MAD1L1: variants seen among roughly 807,000 people sequenced by gnomAD.
MAD1L1 encodes mitotic arrest deficient 1 like 1, also known as mitotic spindle assembly checkpoint protein MAD1.
MAD1L1 carries 95 observed loss-of-function variants against 96.9 expected under a neutral mutation model. The ratio of observed to expected loss-of-function variants is 0.98; its 90% CI spans 0.83 to 1.16. MAD1L1 has a LOEUF of 1.16. MAD1L1 is among the 50% of genes most tolerant of loss of function. The probability of loss-of-function intolerance (pLI) is 0.00; values close to 1 mark genes in which losing one functional copy is unlikely to be tolerated. For missense variants in MAD1L1, 1,007 were observed against 954.4 expected (o/e 1.06, Z -0.73); for synonymous variants, 473 against 396.6 (o/e 1.19, Z -2.29).
intron 10 of MAD1L1, among the ~76,000 whole-genome samples, chr7:2,195,238 G>C (rs907500000): frequency 6.6e-6 from 1 of 152,158 alleles, no homozygotes; most frequent in Non-Finnish European, 1.5e-5. Flanking sequence ...GCTTGTAATA[G>C]CTACCAATGA....
At chr7:2,016,960 G>A (rs544708150) in intron 12 of MAD1L1, among the ~76,000 whole-genome samples, 63 of 152,362 alleles carry the variant, frequency 4.1e-4, no homozygotes, top group Non-Finnish European at 7.5e-4. Flanking sequence ...AGGCCGGGGC[G>A]GGGGACTTCC....
intron 17 of MAD1L1, among the ~76,000 whole-genome samples, chr7:1,903,911 C>A (rs28393635): frequency 0.28 from 21,274 of 75,288 alleles, 4,200 homozygotes; most frequent in South Asian, 0.44. Flanking sequence ...CATGATTGAT[C>A]AAGCACTGTT....
chr7:2,164,638 T>G (rs957423146), intron 10 of MAD1L1, among the ~76,000 whole-genome samples: 1 of 151,022 alleles, frequency 6.6e-6, no homozygotes, highest in Admixed American at 6.6e-5. Flanking sequence ...ATAAATTTTT[T>G]GACAGTTGCA....
At chr7:2,093,802 G>A (rs552606614) in intron 11 of MAD1L1, among the ~76,000 whole-genome samples, 11 of 152,300 alleles carry the variant, frequency 7.2e-5, no homozygotes, top group East Asian at 3.9e-4. Flanking sequence ...AGAGGAGCAC[G>A]GAACGCGGAA....
intron 9 of MAD1L1, among the ~76,000 whole-genome samples, chr7:2,215,623 G>A (rs1266966590): frequency 1.3e-5 from 2 of 152,052 alleles, no homozygotes; most frequent in Admixed American, 1.3e-4. Flanking sequence ...ATCACTCTGA[G>A]CCCCCAGGAT....
intron 4 of MAD1L1, 149 bp from the exon 5 acceptor site, chr7:2,222,903 G>A (rs981328049): frequency 1.3e-5 from 8 of 614,764 alleles, no homozygotes; most frequent in East Asian, 3.1e-5. Flanking sequence ...GAACCAGGAC[G>A]GGACCTGGGA....
intron 11 of MAD1L1, among the ~76,000 whole-genome samples, chr7:2,118,657 C>T (rs1238600245): frequency 6.6e-6 from 1 of 152,212 alleles, no homozygotes; most frequent in African/African-American, 2.4e-5. Context: ...AGGGCCGTCC[C>T]TCCCAGCCCC....
chr7:2,048,992 A>T (rs1473218423), intron 12 of MAD1L1, among the ~76,000 whole-genome samples: 1 of 152,250 alleles, frequency 6.6e-6, no homozygotes, highest in Non-Finnish European at 1.5e-5. Context: ...TTTTAGGAAC[A>T]CACATCACCT....
intron 17 of MAD1L1, among the ~76,000 whole-genome samples, chr7:1,927,742 A>G (rs1181113064): frequency 6.6e-5 from 10 of 152,218 alleles, no homozygotes; most frequent in Non-Finnish European, 1.2e-4. Flanking sequence ...AGTAGAAAAC[A>G]AGAAAAAATA....
At chr7:1,897,937 C>G (rs532616204) in intron 18 of MAD1L1, among the ~76,000 whole-genome samples, 14 of 152,366 alleles carry the variant, frequency 9.2e-5, no homozygotes, top group Middle Eastern at 3.4e-3. Context: ...TTGCGACAGA[C>G]AGAGGCTGAG....
At chr7:2,006,463 C>A (rs1412884071) in intron 13 of MAD1L1, among the ~76,000 whole-genome samples, 1 of 152,098 alleles carries the variant, frequency 6.6e-6, no homozygotes, top group Non-Finnish European at 1.5e-5. Flanking sequence ...ATTTGGCAAA[C>A]GTCCACTCCT....
chr7:1,888,260 A>G (rs1786274814), intron 18 of MAD1L1, among the ~76,000 whole-genome samples: 1 of 111,614 alleles, frequency 9.0e-6, no homozygotes, highest in Admixed American at 9.6e-5. Flanking sequence ...ATCTGTATGC[A>G]TGGGTGCAGC....
chr7:1,866,723 C>G (rs547778917), intron 18 of MAD1L1, among the ~76,000 whole-genome samples: 1 of 152,176 alleles, frequency 6.6e-6, no homozygotes, highest in Non-Finnish European at 1.5e-5. Context: ...CAGGGAACAT[C>G]GTGAAAACCA....
chr7:1,917,881 C>T (rs571889540), intron 17 of MAD1L1, among the ~76,000 whole-genome samples: 6 of 152,304 alleles, frequency 3.9e-5, no homozygotes, highest in African/African-American at 1.4e-4. Context: ...AAGACAAAGC[C>T]CCCAGAGCAG....
intron 10 of MAD1L1, among the ~76,000 whole-genome samples, chr7:2,152,985 G>A (rs1342645445): frequency 2.0e-5 from 3 of 152,160 alleles, no homozygotes; most frequent in African/African-American, 7.2e-5. Context: ...TATACCCTTT[G>A]TTCGGCAGTG....
At chr7:1,823,784 G>A (rs530928162) in intron 18 of MAD1L1, among the ~76,000 whole-genome samples, 8 of 152,166 alleles carry the variant, frequency 5.3e-5, no homozygotes, top group Non-Finnish European at 1.2e-4. Flanking sequence ...CCTTGTTCCA[G>A]ATGAGAAGCC....
intron 18 of MAD1L1, among the ~76,000 whole-genome samples, chr7:1,889,813 A>G (rs1583671232): frequency 1.3e-5 from 2 of 152,186 alleles, no homozygotes; most frequent in East Asian, 3.9e-4. Context: ...GTGGCTCCAG[A>G]CCCAGCTAAT....
intron 15 of MAD1L1, among the ~76,000 whole-genome samples, chr7:1,962,025 T>C: frequency 6.6e-6 from 1 of 151,696 alleles, no homozygotes; most frequent in East Asian, 1.9e-4. Flanking sequence ...TGGTGGGAGA[T>C]AATGAATCAC....
intron 10 of MAD1L1, among the ~76,000 whole-genome samples, chr7:2,159,104 G>C (rs1410262014): frequency 1.3e-5 from 2 of 152,196 alleles, no homozygotes; most frequent in African/African-American, 4.8e-5. Context: ...GCAAGGTGTG[G>C]TTTCAGGCCT....
Sources: allele counts gnomAD v4.1 joint callset (sites outside exome capture counted in the v4.1 genomes callset), GRCh38; gene constraint gnomAD v4.1.1; transcripts MANE v1.5; gene names NCBI Gene and HGNC (gene_info 2026-07-23, HGNC 2026-07-21).